FSIP2: variants seen among roughly 807,000 people sequenced by gnomAD.
The protein encoded by FSIP2 is fibrous sheath-interacting protein 2.
In FSIP2, 367 loss-of-function variants were observed where a neutral mutation model predicts 510.5. The ratio of observed to expected loss-of-function variants is 0.72; its 90% CI spans 0.66 to 0.78. The LOEUF is 0.78. FSIP2 is among the 30% of genes least tolerant of loss of function. The pLI is 0.00. For missense variants in FSIP2, 7,594 were observed against 7,901.7 expected, an observed-to-expected ratio of 0.96 and a Z score of 1.48; for synonymous variants, 2,601 against 2,732.2, an observed-to-expected ratio of 0.95 and a Z score of 1.50.
intron 9 of FSIP2, 142 bp from the exon 10 acceptor site, chr2:185,760,846 C>A (rs1327091633): frequency 2.1e-6 from 1 of 474,904 alleles, no homozygotes; most frequent in African/African-American, 2.0e-5. Context: ...ATCTTGAATG[C>A]AGTGATGGTT....
Position 185,801,015 on chromosome 2 carries a change from A to C in FSIP2, c.11709A>C (p.Glu3903Asp), listed in dbSNP as rs1363573081. The C allele has an allele frequency of 1.3e-6, 2 of 1,532,096 alleles. No individual in the cohort carries two copies. The highest frequency in any genetic ancestry group is 1.7e-6 in the Non-Finnish European group (2 of 1,144,380). The allele number at this position is 1,532,096 out of a possible 1,614,324, so 94.9% of individuals were successfully genotyped here. A position where few individuals can be genotyped will look rare whatever the true frequency, so the allele number is the denominator to read the frequency against. Residue 3903 changes from glutamate to aspartate, a missense_variant, in exon 17 of 23, where the codon GAA becomes GAC. Glu to Asp is a conservative substitution (Grantham distance 45). Transcript: ENST00000424728. ...TAGGACAGAGTAAAAGTTCTTTAGA[A>C]CTCAGGAGCTATGATAGTAATTCTT... The part of the protein sequence containing the change: ...IELGQSKSSL[E>D]LRSYDSNSLT...
chr2:185,804,004 A>G lies in FSIP2; in HGVS notation c.14698A>G (p.Ile4900Val), dbSNP rs1264256700. The part of the protein sequence containing the change: ...IPVSKIASFI[I>V]KEIFNHHIQS... The stretch of plus-strand genomic sequence containing the variant: ...TGTTTCAAAAATAGCGAGTTTTATA[A>G]TAAAAGAAATCTTTAACCATCATAT... Residue 4900 changes from isoleucine (I) to valine (V), a missense_variant, in exon 17 of 23, where the codon ATA becomes GTA. Coordinates refer to ENST00000424728, the MANE Select transcript of FSIP2 (RefSeq NM_173651.4). 1.3e-6 allele frequency: 2 copies of G among 1,497,984 alleles called. No homozygotes were observed. Among genetic ancestry groups the G allele is most frequent in the Non-Finnish European group, 8.9e-7 (1 of 1,128,052 alleles). The allele number at this position is 1,497,984 out of a possible 1,614,324, so 92.8% of individuals were successfully genotyped here. A position where few individuals can be genotyped will look rare whatever the true frequency, so the allele number is the denominator to read the frequency against.
chr2:185,809,375 G>GC (rs1693678242), intron 17 of FSIP2, among the ~76,000 whole-genome samples: 1 of 151,274 alleles, frequency 6.6e-6, no homozygotes. Flanking sequence ...CCTTTTGAAA[G>GC]TTTTTTTTTA....
Position 185,791,049 on chromosome 2 carries a change from G to C in FSIP2, c.3913G>C (p.Ala1305Pro), listed in dbSNP as rs761209758. 2 of 1,532,328 alleles carry C rather than the reference G, an allele frequency of 1.3e-6. No individual in the cohort carries two copies. Among genetic ancestry groups the C allele is most frequent in the Non-Finnish European group, 1.7e-6 (2 of 1,144,704 alleles). The allele number at this position is 1,532,328 out of a possible 1,614,324, so 94.9% of individuals were successfully genotyped here. Residue 1305 changes from alanine to proline, a missense_variant, in exon 16 of 23, where the codon GCT becomes CCT. Coordinates refer to ENST00000424728, the MANE Select transcript of FSIP2 (RefSeq NM_173651.4). ...TAKIVNIVLC[A>P]IQNELELHKE... ...TAAAATAGTAAACATTGTTTTATGT[G>C]CTATCCAGAATGAACTGGAACTTCA...
chr2:185,748,909 C>T (rs1016262135), intron 7 of FSIP2, among the ~76,000 whole-genome samples: 13 of 152,006 alleles, frequency 8.6e-5, no homozygotes, highest in African/African-American at 3.1e-4. Flanking sequence ...TCATGATTTT[C>T]AGATTTGACA....
rs780997350 is a variant in FSIP2, at chr2:185,803,437, A to G, written c.14131A>G (p.Met4711Val). ...CAGCAAAGTTTTGCAAGAATATGAAATGGAAGTCGTGCCCAATAAAGATTT... is the reference window on the plus strand; with the variant it reads ...CAGCAAAGTTTTGCAAGAATATGAAGTGGAAGTCGTGCCCAATAAAGATTT... ...VYSKVLQEYE[M>V]EVVPNKDFLN... The change falls in exon 17 of 23, where the codon ATG (methionine) becomes GTG (valine). Residue 4711 changes from methionine (M) to valine (V), a missense_variant. Met to Val is a conservative substitution (Grantham distance 21, BLOSUM62 1). Coordinates refer to ENST00000424728, the MANE Select transcript of FSIP2 (RefSeq NM_173651.4). 6 of 1,530,792 alleles carry G rather than the reference A, an allele frequency of 3.9e-6. No homozygotes were observed. The South Asian group carries it at 6.0e-5, about 15-fold the overall frequency. The allele number at this position is 1,530,792 out of a possible 1,614,324, so 94.8% of individuals were successfully genotyped here.
rs774731896 is a variant in FSIP2, at chr2:185,791,068, A to C, written c.3932A>C (p.Glu1311Ala). 11 of 1,532,136 alleles carry C rather than the reference A, an allele frequency of 7.2e-6. No homozygotes were observed. The South Asian group carries it at 1.3e-4, about 18-fold the overall frequency. The allele number at this position is 1,532,136 out of a possible 1,614,324, so 94.9% of individuals were successfully genotyped here. ...TTATGTGCTATCCAGAATGAACTGG[A>C]ACTTCACAAGGAAAACCTAAATCTT... is the stretch of plus-strand genomic sequence containing the variant. ...IVLCAIQNELELHKENLNLRE... is the reference protein window; with the variant it reads ...IVLCAIQNELALHKENLNLRE... The change falls in exon 16 of 23, where the codon GAA (glutamate) becomes GCA (alanine). Residue 1311 changes from glutamate (E) to alanine (A), a missense_variant. By Grantham distance (107) the Glu-to-Ala change is moderately radical. Transcript: ENST00000424728.
At chr2:185,777,398 T>G (rs1311663066) in intron 13 of FSIP2, among the ~76,000 whole-genome samples, 3 of 150,572 alleles carry the variant, frequency 2.0e-5, no homozygotes, top group Admixed American at 6.6e-5. Context: ...TTGTAGTTTT[T>G]TTTTTTTTTT....
chr2:185,744,089 G>A (rs1691978604), intron 3 of FSIP2, among the ~76,000 whole-genome samples: 1 of 151,828 alleles, frequency 6.6e-6, no homozygotes, highest in African/African-American at 2.4e-5. Flanking sequence ...CTCAGCCTAA[G>A]TAATGTTTTT....
At position 185,790,701 on chromosome 2, in the gene FSIP2, A is replaced by G; in HGVS notation, c.3565A>G (p.Thr1189Ala). Reference protein sequence around the residue: ...HKASNYISNTTKSSISSSVHQ... With the variant: ...HKASNYISNTAKSSISSSVHQ... The stretch of plus-strand genomic sequence containing the variant: ...GGCATCAAACTACATTTCCAATACC[A>G]CTAAAAGTTCCATTTCATCATCAGT... Residue 1189 changes from threonine (T) to alanine (A), a missense_variant, in exon 16 of 23, where the codon ACT becomes GCT. Transcript: ENST00000424728. The G allele has an allele frequency of 4.6e-6, 7 of 1,534,070 alleles. No homozygotes were observed. Among genetic ancestry groups the G allele is most frequent in the Non-Finnish European group, 6.1e-6 (7 of 1,145,492 alleles).
rs1472755943 is a variant in FSIP2 at position 185,796,062 on chromosome 2, A to G, written c.8926A>G (p.Thr2976Ala). 2 of 1,531,484 alleles carry G rather than the reference A, an allele frequency of 1.3e-6. No homozygotes were observed. The highest frequency in any genetic ancestry group is 4.0e-5 in the Admixed American group (2 of 50,102). 94.9% of individuals were successfully genotyped at this position (1,531,484 alleles called of 1,614,324 possible). Residue 2976 changes from threonine (T) to alanine (A), a missense_variant, in exon 16 of 23, where the codon ACA becomes GCA. Physicochemically the swap from Thr to Ala is moderately conservative, Grantham distance 58. Coordinates refer to ENST00000424728, the MANE Select transcript of FSIP2 (RefSeq NM_173651.4). ...CAGTTTACCAATCTATAACACAAAG[A>G]CAAAAGACCAAATTTCTGTGGGCTC... ...LSSLPIYNTK[T>A]KDQISVGSSN...
At chr2:185,829,062 T>C (rs1411863163) in intron 21 of FSIP2, among the ~76,000 whole-genome samples, 1 of 151,880 alleles carries the variant, frequency 6.6e-6, no homozygotes, top group African/African-American at 2.4e-5. Flanking sequence ...GGCTCCACTT[T>C]GGCCACACTT....
chr2:185,817,646 T>C (rs1175290918), intron 19 of FSIP2, among the ~76,000 whole-genome samples: 2 of 152,026 alleles, frequency 1.3e-5, no homozygotes, highest in African/African-American at 4.8e-5. Flanking sequence ...GTGGCTTCTT[T>C]ATTATTTCAA....
In FSIP2 at chr2:185,807,184, C is replaced by T. The variant is rs374157643; in HGVS notation, c.17878C>T (p.Arg5960Cys). 2.6e-5 allele frequency: 41 copies of T among 1,601,246 alleles called. No individual in the cohort carries two copies. The highest frequency in any genetic ancestry group is 3.1e-5 in the Non-Finnish European group (36 of 1,175,872). Residue 5960 changes from arginine (R) to cysteine (C), a missense_variant, in exon 17 of 23, where the codon CGT becomes TGT. Physicochemically the swap from Arg to Cys is radical, Grantham distance 180. Transcript: ENST00000424728. ...TSAVINEIFQRQVNLIFCDEV... is the reference protein window; with the variant it reads ...TSAVINEIFQCQVNLIFCDEV... ...TGCAGTGATAAATGAAATTTTCCAA[C>T]GTCAGGTTAACTTGATATTTTGTGA...
rs1693567437 is a variant in FSIP2, at chr2:185,806,078, A to C, written c.16772A>C (p.Asp5591Ala). 1.3e-6 allele frequency: 2 copies of C among 1,567,686 alleles called. No homozygotes were observed. The highest frequency in any genetic ancestry group is 2.8e-5 in the African/African-American group (2 of 72,562). ...TACACACATTTTTCATTAATAATTG[A>C]TGATACAGAATATGAGAAGGAAGTA... ...EIYTHFSLII[D>A]DTEYEKEVLG... The change falls in exon 17 of 23, where the codon GAT (aspartate) becomes GCT (alanine). Residue 5591 changes from aspartate to alanine, a missense_variant. Coordinates refer to ENST00000424728, the MANE Select transcript of FSIP2 (RefSeq NM_173651.4).
At chr2:185,766,764 T>A (rs1692493164) in intron 13 of FSIP2, among the ~76,000 whole-genome samples, 1 of 146,432 alleles carries the variant, frequency 6.8e-6, no homozygotes, top group Non-Finnish European at 1.5e-5. Flanking sequence ...GTGTGACGAT[T>A]CCTCAGGGAT....
rs145075858 is a variant in FSIP2, at chr2:185,776,805, G to C, written c.1412-5900G>C. On this transcript the variant is annotated intron_variant, in intron 13 of 22. Coordinates refer to ENST00000424728, the MANE Select transcript of FSIP2 (RefSeq NM_173651.4). The stretch of plus-strand genomic sequence containing the variant: ...CTGGAGTTGCAATGGTGTGATCTCG[G>C]CTCACTGCAACTTCCGCCTCCCGGG... Among the ~76,000 whole-genome samples the C allele has an allele frequency of 3.5e-3, 525 of 152,120 alleles. 8 individuals carry two copies. The highest frequency in any genetic ancestry group is 3.7e-3 in the East Asian group (19 of 5,164).
intron 9 of FSIP2, among the ~76,000 whole-genome samples, chr2:185,756,558 C>T (rs1692250526): frequency 2.6e-5 from 4 of 151,292 alleles, no homozygotes; most frequent in South Asian, 2.1e-4. Flanking sequence ...TACAGCATGC[C>T]TACCAACTTG....
rs1251227582 is a variant in FSIP2, at chr2:185,795,482, A to G, written c.8346A>G (p.Leu2782=). ...GKIVNTVLQE[L]YVTNNCNLAY... ...TAGTTAATACAGTTTTGCAAGAATTATATGTTACCAATAACTGCAATTTGG... is the reference window on the plus strand; with the variant it reads ...TAGTTAATACAGTTTTGCAAGAATTGTATGTTACCAATAACTGCAATTTGG... Residue 2782 remains leucine (L), a synonymous_variant, in exon 16 of 23, where the codon TTA becomes TTG. Coordinates refer to ENST00000424728, the MANE Select transcript of FSIP2 (RefSeq NM_173651.4). The G allele has an allele frequency of 2.0e-6, 3 of 1,534,860 alleles. No homozygotes were observed. Among genetic ancestry groups the G allele is most frequent in the South Asian group, 1.2e-5 (1 of 84,020 alleles).
Sources: allele counts gnomAD v4.1 joint callset (sites outside exome capture counted in the v4.1 genomes callset), GRCh38; gene constraint gnomAD v4.1.1; transcripts MANE v1.5; gene names NCBI Gene and HGNC (gene_info 2026-07-23, HGNC 2026-07-21).